The following SLC8A1 variants were observed in gnomAD, a reference collection of about 807,000 sequenced individuals.
SLC8A1 encodes solute carrier family 8 member A1.
In SLC8A1, 18 loss-of-function variants were observed where a neutral mutation model predicts 68.3. That is an observed-to-expected ratio of 0.26 (90% confidence interval 0.18 to 0.39). SLC8A1 has a LOEUF of 0.39. SLC8A1 is among the 10% of genes least tolerant of loss of function. SLC8A1 has a pLI of 1.00. For missense variants in SLC8A1, 985 were observed against 1,156.7 expected (o/e 0.85, Z 2.15); for synonymous variants, 475 against 415.5 (o/e 1.14, Z -1.74).
At chr2:40,255,558 C>A (rs1340565815) in intron 2 of SLC8A1, among the ~76,000 whole-genome samples, 1 of 152,166 alleles carries the variant, frequency 6.6e-6, no homozygotes, top group Non-Finnish European at 1.5e-5. Context: ...GGTTCTCTTG[C>A]AATTATGAGA....
intron 2 of SLC8A1, among the ~76,000 whole-genome samples, chr2:40,181,610 G>A (rs1312317664): frequency 1.3e-5 from 2 of 152,076 alleles, no homozygotes; most frequent in East Asian, 3.9e-4. Context: ...GCACAGTAAA[G>A]CTATTAATAG....
At chr2:40,129,011 C>T (rs548500267) in intron 7 of SLC8A1, among the ~76,000 whole-genome samples, 23 of 152,156 alleles carry the variant, frequency 1.5e-4, no homozygotes, top group South Asian at 6.2e-4. Flanking sequence ...TGTAAATGGC[C>T]GTGAGGCATC....
At chr2:40,147,052 T>TG (rs984765254) in intron 6 of SLC8A1, among the ~76,000 whole-genome samples, 2 of 152,184 alleles carry the variant, frequency 1.3e-5, no homozygotes, top group Admixed American at 6.5e-5. Flanking sequence ...TGGTCTTTGT[T>TG]GGGGTGGTTA....
chr2:40,471,508 C>A (rs554805292), intron 1 of SLC8A1, among the ~76,000 whole-genome samples: 6 of 152,264 alleles, frequency 3.9e-5, no homozygotes, highest in Non-Finnish European at 7.4e-5. Context: ...GGGCGTACTA[C>A]CTCCCACCCC....
chr2:40,336,830 G>A (rs1159094332), intron 2 of SLC8A1, among the ~76,000 whole-genome samples: 1 of 152,046 alleles, frequency 6.6e-6, no homozygotes, highest in East Asian at 1.9e-4. Flanking sequence ...ATGTCACATG[G>A]AATCTTGACT....
intron 6 of SLC8A1, among the ~76,000 whole-genome samples, chr2:40,142,382 A>T (rs1057491751): frequency 6.6e-6 from 1 of 152,162 alleles, no homozygotes; most frequent in Non-Finnish European, 1.5e-5. Context: ...ATATACTCAG[A>T]AAAGTTGAGA....
exon 8 of SLC8A1, chr2:40,099,282 T>C (rs1012099580): frequency 3.3e-5 from 5 of 152,068 alleles, no homozygotes; most frequent in African/African-American, 1.2e-4. Flanking sequence ...ATATGATGCA[T>C]ATACCATTAT....
exon 8 of SLC8A1, chr2:40,105,612 T>C (rs1162881681): frequency 2.0e-5 from 3 of 152,230 alleles, no homozygotes; most frequent in Non-Finnish European, 4.4e-5. Context: ...AGTGCTACTT[T>C]CAGTTTTGTA....
At chr2:40,130,853 G>A (rs1310365148) in intron 7 of SLC8A1, among the ~76,000 whole-genome samples, 1 of 152,212 alleles carries the variant, frequency 6.6e-6, no homozygotes, top group Non-Finnish European at 1.5e-5. Context: ...CATGGTCAGT[G>A]AAACTGCAGG....
At chr2:40,410,523 T>A (rs149175381) in intron 2 of SLC8A1, among the ~76,000 whole-genome samples, 10 of 152,198 alleles carry the variant, frequency 6.6e-5, no homozygotes, top group African/African-American at 2.4e-4. Context: ...ATTGTGAGAT[T>A]TTCCTATGAT....
intron 2 of SLC8A1, among the ~76,000 whole-genome samples, chr2:40,314,719 T>G (rs1287367407): frequency 6.6e-6 from 1 of 152,052 alleles, no homozygotes; most frequent in East Asian, 1.9e-4. Flanking sequence ...CTTGCCCATC[T>G]TTTGGTCAGA....
intron 2 of SLC8A1, among the ~76,000 whole-genome samples, chr2:40,370,271 AGACAT>A (rs1180345932): frequency 2.3e-4 from 35 of 152,182 alleles, no homozygotes; most frequent in Admixed American, 3.9e-4. Flanking sequence ...CTGAGAGCTC[AGACAT>A]TTTTCTAGAA....
chr2:40,280,988 G>A (rs1300013660), intron 2 of SLC8A1, among the ~76,000 whole-genome samples: 1 of 152,176 alleles, frequency 6.6e-6, no homozygotes, highest in Non-Finnish European at 1.5e-5. Context: ...ATCTTTCCTG[G>A]TGGACTGTAG....
intron 2 of SLC8A1, among the ~76,000 whole-genome samples, chr2:40,253,006 T>G (rs1213734094): frequency 1.5e-5 from 2 of 132,234 alleles, no homozygotes; most frequent in Non-Finnish European, 3.3e-5. Context: ...TATACATATA[T>G]ATGTATCTGT....
intron 2 of SLC8A1, among the ~76,000 whole-genome samples, chr2:40,356,611 A>AT (rs1672737702): frequency 6.6e-6 from 1 of 152,036 alleles, no homozygotes; most frequent in Non-Finnish European, 1.5e-5. Flanking sequence ...CAAGAAAAAA[A>AT]AAAACTGCCT....
At chr2:40,424,361 C>G (rs957101906) in intron 2 of SLC8A1, among the ~76,000 whole-genome samples, 1 of 151,644 alleles carries the variant, frequency 6.6e-6, no homozygotes, top group African/African-American at 2.4e-5. Flanking sequence ...CTATAGAATT[C>G]TCTAGAACAA....
intron 2 of SLC8A1, among the ~76,000 whole-genome samples, chr2:40,383,503 G>T (rs779747828): frequency 6.6e-6 from 1 of 151,936 alleles, no homozygotes; most frequent in Non-Finnish European, 1.5e-5. Flanking sequence ...GAGCATATTT[G>T]CCATGTGACA....
At chr2:40,234,506 C>A (rs1049570554) in intron 2 of SLC8A1, among the ~76,000 whole-genome samples, 45 of 152,048 alleles carry the variant, frequency 3.0e-4, no homozygotes, top group African/African-American at 1.1e-3. Context: ...TGGGCTGAGA[C>A]AATGGGGTTT....
At chr2:40,419,515 T>C (rs1192533623) in intron 2 of SLC8A1, among the ~76,000 whole-genome samples, 1 of 152,048 alleles carries the variant, frequency 6.6e-6, no homozygotes, top group Non-Finnish European at 1.5e-5. Context: ...TCCTTCTTAC[T>C]CACCCTGCCT....
Sources: gnomAD v4.1 joint callset for allele counts (sites outside exome capture counted in the v4.1 genomes callset) on GRCh38, gnomAD v4.1.1 for gene constraint, MANE v1.5 for transcripts, NCBI Gene and HGNC (gene_info 2026-07-23, HGNC 2026-07-21) for gene names.